Variants in ZBTB16 observed in about 807,000 individuals in gnomAD.
ZBTB16 encodes the protein zinc finger and BTB domain-containing protein 16.
Under a neutral mutation model 56.8 loss-of-function variants are expected in ZBTB16, and 8 were observed. The observed-to-expected ratio is 0.14, with a 90% CI of 0.08 to 0.25. ZBTB16 has a LOEUF of 0.25. ZBTB16 is among the 10% of genes least tolerant of loss of function. ZBTB16 has a pLI of 1.00. For synonymous variants in ZBTB16, 363 were observed against 368.5 expected (o/e 0.98, Z 0.17); for missense variants, 625 against 903.0 (o/e 0.69, Z 3.95).
chr11:114,221,185 A>G (rs1007922748), intron 4 of ZBTB16, among the ~76,000 whole-genome samples: 1 of 152,170 alleles, frequency 6.6e-6, no homozygotes, highest in Non-Finnish European at 1.5e-5. Context: ...CCAAGCAGCA[A>G]TATCACTGAG....
chr11:114,100,397 A>G (rs138495025), intron 2 of ZBTB16, among the ~76,000 whole-genome samples: 1 of 152,278 alleles, frequency 6.6e-6, no homozygotes, highest in East Asian at 1.9e-4. Flanking sequence ...CTGTGTTGTG[A>G]TCCAGGGATT....
chr11:114,184,752 A>T (rs1565673593), intron 3 of ZBTB16, among the ~76,000 whole-genome samples: 1 of 152,238 alleles, frequency 6.6e-6, no homozygotes, highest in Non-Finnish European at 1.5e-5. Flanking sequence ...CATGCCTGGC[A>T]TATAGTCAAG....
intron 4 of ZBTB16, among the ~76,000 whole-genome samples, chr11:114,232,657 A>T (rs1201795614): frequency 6.6e-6 from 1 of 152,230 alleles, no homozygotes; most frequent in East Asian, 1.9e-4. Context: ...GGGCTAGGTT[A>T]GGCTACTGCA....
chr11:114,160,368 G>A (rs1942553459), intron 3 of ZBTB16, among the ~76,000 whole-genome samples: 1 of 152,182 alleles, frequency 6.6e-6, no homozygotes, highest in Non-Finnish European at 1.5e-5. Context: ...ATTTCTGAAA[G>A]GCAGACGGAG....
intron 2 of ZBTB16, among the ~76,000 whole-genome samples, chr11:114,117,001 C>A (rs1210404831): frequency 6.6e-6 from 1 of 152,030 alleles, no homozygotes; most frequent in Non-Finnish European, 1.5e-5. Context: ...GGTGAAGCAG[C>A]AATTGACTAG....
At chr11:114,082,606 C>T (rs761454773) in intron 2 of ZBTB16, among the ~76,000 whole-genome samples, 39 of 152,244 alleles carry the variant, frequency 2.6e-4, no homozygotes, top group Non-Finnish European at 4.9e-4. Flanking sequence ...CCTGCCTTCA[C>T]GAGCCTGTCT....
chr11:114,191,900 C>T (rs1943503416), intron 4 of ZBTB16, among the ~76,000 whole-genome samples: 3 of 152,182 alleles, frequency 2.0e-5, no homozygotes, highest in African/African-American at 4.8e-5. Flanking sequence ...GGGAGAATGA[C>T]ATGACTTGAT....
At chr11:114,140,801 T>C (rs1027324293) in intron 2 of ZBTB16, among the ~76,000 whole-genome samples, 6 of 152,198 alleles carry the variant, frequency 3.9e-5, no homozygotes, top group African/African-American at 1.4e-4. Flanking sequence ...TGTAGATGTG[T>C]GACAGTGATA....
intron 4 of ZBTB16, among the ~76,000 whole-genome samples, chr11:114,241,618 T>C (rs965389446): frequency 6.6e-6 from 1 of 152,144 alleles, no homozygotes; most frequent in Non-Finnish European, 1.5e-5. Context: ...GTGCCAAAAA[T>C]GTTGGGGACC....
At chr11:114,087,086 C>T (rs1939981533) in intron 2 of ZBTB16, among the ~76,000 whole-genome samples, 1 of 152,140 alleles carries the variant, frequency 6.6e-6, no homozygotes, top group Non-Finnish European at 1.5e-5. Context: ...AAGTGGCAAA[C>T]ACTTTGGCCA....
At chr11:114,123,747 C>T (rs56746513) in intron 2 of ZBTB16, among the ~76,000 whole-genome samples, 1 of 152,110 alleles carries the variant, frequency 6.6e-6, no homozygotes, top group African/African-American at 2.4e-5. Context: ...TCTCTTAGCT[C>T]TATGTTCCAA....
intron 4 of ZBTB16, among the ~76,000 whole-genome samples, chr11:114,235,740 TTTTCTTTCC>T (rs1319394771): frequency 6.7e-6 from 1 of 148,880 alleles, no homozygotes; most frequent in Admixed American, 6.7e-5. Flanking sequence ...CTTTCTTTTC[TTTTCTTTCC>T]TTCCTTCCTT....
Position 114,253,504 on chromosome 11 carries a change from A to G in ZBTB16, c.*2949A>G, listed in dbSNP as rs1944951204. Among the ~76,000 whole-genome samples, 1 of 152,194 alleles carries G rather than the reference A, an allele frequency of 6.6e-6. No homozygotes were observed. Among genetic ancestry groups the G allele is most frequent in the Non-Finnish European group, 1.5e-5 (1 of 68,030 alleles). On this transcript the variant is annotated 3_prime_UTR_variant, in exon 7 of 7. Coordinates refer to ENST00000335953, the MANE Select transcript of ZBTB16 (RefSeq NM_006006.6). ...TGTGTGTGTGGTTGTGTGTTAAATC[A>G]TGCAGTATTGTCGTAATCTGGTGTT...
At chr11:114,232,942 C>T (rs1273548033) in intron 4 of ZBTB16, among the ~76,000 whole-genome samples, 3 of 152,102 alleles carry the variant, frequency 2.0e-5, no homozygotes, top group Non-Finnish European at 2.9e-5. Flanking sequence ...CCTTGGACCC[C>T]GTGACCTTTG....
intron 3 of ZBTB16, among the ~76,000 whole-genome samples, chr11:114,169,214 C>T (rs1200057189): frequency 1.3e-5 from 2 of 152,202 alleles, no homozygotes; most frequent in African/African-American, 2.4e-5. Context: ...ACCTGTGCTG[C>T]AGCCCAGAAA....
rs551136890 is a variant in ZBTB16 at position 114,092,447 on chromosome 11, C to A, written c.1268+27879C>A. Among the ~76,000 whole-genome samples, 3 of 152,276 alleles carry A rather than the reference C, an allele frequency of 2.0e-5. No homozygotes were observed. In the South Asian group the frequency reaches 6.2e-4, roughly 32 times the overall value. On this transcript the variant is annotated intron_variant, in intron 2 of 6. Transcript: ENST00000335953. ...TCTTGTTGTGTGGAGCAAAGTGATT[C>A]CTCTCTTCTTGTGTTCTCCAGATGG...
At chr11:114,225,299 T>G (rs1215366957) in intron 4 of ZBTB16, among the ~76,000 whole-genome samples, 1 of 152,126 alleles carries the variant, frequency 6.6e-6, no homozygotes. Context: ...CTCTTCTTGG[T>G]GATGAAAGAC....
At chr11:114,117,316 G>A (rs1941202215) in intron 2 of ZBTB16, among the ~76,000 whole-genome samples, 1 of 152,086 alleles carries the variant, frequency 6.6e-6, no homozygotes, top group African/African-American at 2.4e-5. Context: ...TTTGGGAGAA[G>A]GTGTTGAAAG....
At chr11:114,148,805 T>C (rs1565652251) in intron 2 of ZBTB16, among the ~76,000 whole-genome samples, 2 of 151,820 alleles carry the variant, frequency 1.3e-5, no homozygotes, top group African/African-American at 4.9e-5. Flanking sequence ...CTGGCTTTCT[T>C]TCTAAGAACC....
Sources: allele counts gnomAD v4.1 joint callset (sites outside exome capture counted in the v4.1 genomes callset), GRCh38; gene constraint gnomAD v4.1.1; transcripts MANE v1.5; gene names NCBI Gene and HGNC (gene_info 2026-07-23, HGNC 2026-07-21).